TCF20: variants seen among roughly 807,000 people sequenced by gnomAD.
The protein encoded by TCF20 is SPRE-binding protein.
Under a neutral mutation model 148.6 loss-of-function variants are expected in TCF20, and 3 were observed. The ratio of observed to expected loss-of-function variants is 0.02; its 90% CI spans 0.01 to 0.05. The LOEUF is 0.05. Ranked by LOEUF, TCF20 falls within the 10% of genes least tolerant of loss-of-function variation. The pLI is 1.00. For synonymous variants in TCF20, 1,049 were observed against 909.5 expected, an observed-to-expected ratio of 1.15 and a Z score of -2.76; for missense variants, 2,350 against 2,429.3, an observed-to-expected ratio of 0.97 and a Z score of 0.69.
chr22:42,304,828 A>ATGTG (rs1468863574), intron 1 of TCF20, among the ~76,000 whole-genome samples: 1 of 152,004 alleles, frequency 6.6e-6, no homozygotes, highest in Non-Finnish European at 1.5e-5. Context: ...TCTTGGTGGG[A>ATGTG]TGTGAACCAG....
chr22:42,302,481 G>A (rs1927354933), intron 1 of TCF20, among the ~76,000 whole-genome samples: 1 of 152,114 alleles, frequency 6.6e-6, no homozygotes, highest in Non-Finnish European at 1.5e-5. Context: ...GCCATGCAGG[G>A]AGGCCACTAG....
rs1211419973 is a variant in TCF20 at position 42,227,494 on chromosome 22, T to C, written c.-36-12153A>G. 2.6e-5 allele frequency among the ~76,000 whole-genome samples: 4 copies of C among 152,230 alleles called. No homozygotes were observed. In the South Asian group the frequency reaches 8.3e-4, roughly 32 times the overall value. ...GTTATTTCCAAAAACAAGGACATTC[T>C]CCTCCATAACCAGCATACAAGCCTC... On this transcript the variant is annotated intron_variant, in intron 1 of 5. Transcript: ENST00000677622.
intron 1 of TCF20, among the ~76,000 whole-genome samples, chr22:42,266,859 G>A (rs1926314545): frequency 6.6e-6 from 1 of 152,160 alleles, no homozygotes; most frequent in East Asian, 1.9e-4. Context: ...ACCAACTTTG[G>A]CAACCTCTCA....
At chr22:42,233,492 G>A (rs1262028646) in intron 1 of TCF20, among the ~76,000 whole-genome samples, 1 of 152,174 alleles carries the variant, frequency 6.6e-6, no homozygotes, top group Non-Finnish European at 1.5e-5. Context: ...AATAATACCA[G>A]CTTTGCTGAC....
intron 1 of TCF20, among the ~76,000 whole-genome samples, chr22:42,241,042 G>T (rs756883535): frequency 9.2e-5 from 14 of 152,104 alleles, no homozygotes; most frequent in Non-Finnish European, 1.9e-4. Flanking sequence ...TTTTAGTAAG[G>T]AGGGGGTTTC....
chr22:42,265,247 C>T (rs977599030), intron 1 of TCF20, among the ~76,000 whole-genome samples: 5 of 152,190 alleles, frequency 3.3e-5, no homozygotes, highest in African/African-American at 1.2e-4. Flanking sequence ...AAAAACTATC[C>T]AGTGCAATGT....
chr22:42,286,578 C>T (rs188453670), upstream of TCF20, among the ~76,000 whole-genome samples: 302 of 152,320 alleles, frequency 2.0e-3, 1 homozygote, highest in Admixed American at 3.5e-3. Flanking sequence ...TCCCAGTTAG[C>T]GGCCAGCAAG....
chr22:42,221,123 G>A (rs1922316464), intron 1 of TCF20, among the ~76,000 whole-genome samples: 1 of 152,216 alleles, frequency 6.6e-6, no homozygotes, highest in African/African-American at 2.4e-5. Flanking sequence ...GTTAGAGTTT[G>A]CAATGAGAAG....
chr22:42,335,178 G>T (rs887043151), intron 1 of TCF20, among the ~76,000 whole-genome samples: 1 of 152,090 alleles, frequency 6.6e-6, no homozygotes, highest in East Asian at 1.9e-4. Flanking sequence ...AGGCAAGAGG[G>T]GTGGGGAAAC....
chr22:42,283,386 A>C (rs1269985927), intron 1 of TCF20, among the ~76,000 whole-genome samples: 1 of 148,350 alleles, frequency 6.7e-6, no homozygotes, highest in African/African-American at 2.5e-5. Flanking sequence ...TCTGGACCGG[A>C]GGGGACGGGG....
chr22:42,166,626 A>AT (rs1481716261), intron 5 of TCF20, among the ~76,000 whole-genome samples: 4 of 151,514 alleles, frequency 2.6e-5, no homozygotes, highest in African/African-American at 7.3e-5. Flanking sequence ...AAAAAAAAAA[A>AT]GAGTCAAGGG....
At chr22:42,287,726 C>G (rs1473483326), upstream of TCF20, among the ~76,000 whole-genome samples, 1 of 152,082 alleles carries the variant, frequency 6.6e-6, no homozygotes, top group Non-Finnish European at 1.5e-5. Flanking sequence ...ACAGACCATT[C>G]TACTGCTGGA....
At chr22:42,253,450 T>C (rs1015183397) in intron 1 of TCF20, among the ~76,000 whole-genome samples, 2 of 152,198 alleles carry the variant, frequency 1.3e-5, no homozygotes, top group African/African-American at 4.8e-5. Context: ...TTTATTAAAC[T>C]TCTCTAAAAG....
chr22:42,181,240 G>C (rs1936757759), intron 2 of TCF20, among the ~76,000 whole-genome samples: 1 of 152,190 alleles, frequency 6.6e-6, no homozygotes, highest in Non-Finnish European at 1.5e-5. Flanking sequence ...CTGGAGTGCA[G>C]TAGCGCAATC....
chr22:42,328,022 C>T (rs752403187), intron 1 of TCF20, among the ~76,000 whole-genome samples: 27 of 152,164 alleles, frequency 1.8e-4, no homozygotes, highest in Non-Finnish European at 2.8e-4. Context: ...TGACTTCCTT[C>T]AGTCTTCACA....
At position 42,160,976 on chromosome 22, in the gene TCF20, C is replaced by G. The variant is rs1266454540; in HGVS notation, c.*427G>C. The G allele has an allele frequency of 1.5e-4, 28 of 180,680 alleles. No individual in the cohort carries two copies. Among genetic ancestry groups the G allele is most frequent in the Non-Finnish European group, 5.7e-5 (5 of 87,062 alleles). The allele number at this position is 180,680 out of a possible 1,614,324, so 11.2% of individuals were successfully genotyped here. On this transcript the variant is annotated 3_prime_UTR_variant, in exon 6 of 6. Coordinates refer to ENST00000677622, the MANE Select transcript of TCF20 (RefSeq NM_001378418.1). ...TCGGAACAAATTTGGAGATCTTTAA[C>G]GAGATAATTTTAAAACAGAATCAAA...
At chr22:42,204,729 C>T (rs566684185) in intron 2 of TCF20, among the ~76,000 whole-genome samples, 1 of 151,984 alleles carries the variant, frequency 6.6e-6, no homozygotes, top group Admixed American at 6.6e-5. Flanking sequence ...ACTGCAGTCC[C>T]AGTTACTTGG....
chr22:42,168,218 A>T (rs186368307), intron 5 of TCF20, among the ~76,000 whole-genome samples: 1 of 152,308 alleles, frequency 6.6e-6, no homozygotes, highest in Admixed American at 6.5e-5. Context: ...AAATGTAGTA[A>T]ATTAAAAAGA....
At position 42,210,199 on chromosome 22, in the gene TCF20, G is replaced by A. The variant is rs536576124; in HGVS notation, c.5107C>T (p.Leu1703=). ...CACTTGCCACACAGACAGCAAACCA[G>A]GTGCCCCATAACCGAAGACTCTGTC... is the stretch of plus-strand genomic sequence containing the variant. ...VVTESSVMGH[L]VCCLCGKWAS... is the part of the protein sequence containing the mutation. The change falls in exon 2 of 6, where the codon CTG becomes TTG. Residue 1703 remains leucine (L), a synonymous_variant. Coordinates refer to ENST00000677622, the MANE Select transcript of TCF20 (RefSeq NM_001378418.1). The surrounding 1 kb of genome is among the most constrained non-coding windows in gnomAD (Gnocchi z 4.7). The A allele has an allele frequency of 6.2e-7, 1 of 1,614,156 alleles. No individual in the cohort carries two copies. The highest frequency in any genetic ancestry group is 1.1e-5 in the South Asian group (1 of 91,074).
Sources: gnomAD v4.1 joint callset for allele counts (sites outside exome capture counted in the v4.1 genomes callset) on GRCh38, gnomAD v4.1.1 for gene constraint, Gnocchi (gnomAD v3.1) non-coding constraint, MANE v1.5 for transcripts, NCBI Gene and HGNC (gene_info 2026-07-23, HGNC 2026-07-21) for gene names.